Variants in LAMB4 observed in about 807,000 individuals in gnomAD.
LAMB4 encodes laminin subunit beta-4.
A neutral mutation model predicts 199.2 loss-of-function variants in LAMB4; 196 were observed. That is an observed-to-expected ratio of 0.98 (90% confidence interval 0.88 to 1.11). The LOEUF (loss-of-function observed/expected upper bound fraction) is 1.11. Ranked by LOEUF, LAMB4 falls within the 50% of genes least tolerant of loss-of-function variation. LAMB4 has a pLI of 0.00. For missense variants in LAMB4, 2,080 were observed against 2,171.2 expected, an observed-to-expected ratio of 0.96 and a Z score of 0.83; for synonymous variants, 744 against 770.6, an observed-to-expected ratio of 0.97 and a Z score of 0.57.
At chr7:108,129,567 T>G (rs560302741) in intron 1 of LAMB4, among the ~76,000 whole-genome samples, 1 of 151,838 alleles carries the variant, frequency 6.6e-6, no homozygotes, top group East Asian at 1.9e-4. Context: ...AGACAGAGTC[T>G]TCCTCTGTCA....
chr7:108,056,417 C>T (rs1431066542), intron 24 of LAMB4, among the ~76,000 whole-genome samples: 1 of 152,168 alleles, frequency 6.6e-6, no homozygotes, highest in Non-Finnish European at 1.5e-5. Flanking sequence ...GAGTAAAGCC[C>T]AGCTTGGGTG....
At chr7:108,088,050 C>T (rs991861487) in intron 14 of LAMB4, among the ~76,000 whole-genome samples, 14 of 152,212 alleles carry the variant, frequency 9.2e-5, no homozygotes, top group African/African-American at 3.4e-4. Flanking sequence ...TGCTCATCAG[C>T]ATGTAAGCTT....
chr7:108,127,175 GTTT>G (rs1333482138), intron 1 of LAMB4, among the ~76,000 whole-genome samples: 1 of 138,188 alleles, frequency 7.2e-6, no homozygotes, highest in African/African-American at 2.7e-5. Context: ...AATCACCAGG[GTTT>G]TTTTTTTTGT....
chr7:108,074,892 G>T (rs560532476), intron 17 of LAMB4, among the ~76,000 whole-genome samples: 1 of 152,094 alleles, frequency 6.6e-6, no homozygotes, highest in Admixed American at 6.6e-5. Flanking sequence ...TTAGTACAGC[G>T]TCAAGTGATA....
At chr7:108,116,285 T>C in intron 2 of LAMB4, 124 bp from the exon 3 acceptor site, 1 of 951,814 alleles carries the variant, frequency 1.1e-6, no homozygotes, top group Non-Finnish European at 1.5e-6. Context: ...TGTATCAGAC[T>C]TTTAAGTTTA....
At chr7:108,120,993 G>C (rs1181506371) in intron 2 of LAMB4, among the ~76,000 whole-genome samples, 2 of 152,154 alleles carry the variant, frequency 1.3e-5, no homozygotes, top group African/African-American at 4.8e-5. Context: ...GGCAAAAAGT[G>C]ACTAGAAATG....
intron 25 of LAMB4, 82 bp downstream of exon 25, chr7:108,055,550 T>A: frequency 7.2e-7 from 1 of 1,386,694 alleles, no homozygotes; most frequent in Middle Eastern, 2.6e-4. Context: ...ATTTCTAAAT[T>A]GAAGGCTGAC....
At chr7:108,098,372 A>ACGCC (rs761047628) in intron 11 of LAMB4, 31 bp downstream of exon 11, 926 of 1,541,036 alleles carry the variant, frequency 6.0e-4, no homozygotes, top group Non-Finnish European at 7.6e-4. Flanking sequence ...GGGTTGATGG[A>ACGCC]CACTCCCCCG....
At chr7:108,068,964 G>A (rs1050018035) in intron 18 of LAMB4, among the ~76,000 whole-genome samples, 1 of 152,192 alleles carries the variant, frequency 6.6e-6, no homozygotes, top group Non-Finnish European at 1.5e-5. Flanking sequence ...GGGATTACAG[G>A]TGTGACCCAC....
chr7:108,040,751 A>T (rs140912953), intron 29 of LAMB4, among the ~76,000 whole-genome samples: 5 of 152,342 alleles, frequency 3.3e-5, no homozygotes, highest in African/African-American at 1.2e-4. Flanking sequence ...TCTTATATGA[A>T]AATTAACTCA....
chr7:108,101,497 A>G (rs1315481234), intron 10 of LAMB4, among the ~76,000 whole-genome samples: 1 of 152,198 alleles, frequency 6.6e-6, no homozygotes, highest in African/African-American at 2.4e-5. Context: ...GTTGCTTGCT[A>G]TGCCATGAGT....
rs201245665 is a variant in LAMB4 at position 108,098,383 on chromosome 7, A to T, written c.1360+20T>A. ...ATAGGGGTTGATGGACACTCCCCCGACCCCCGATTATGGACTTACGCTGGC... is the reference window on the plus strand; with the variant it reads ...ATAGGGGTTGATGGACACTCCCCCGTCCCCCGATTATGGACTTACGCTGGC... On this transcript the variant is annotated intron_variant, in intron 11 of 33. Transcript: ENST00000388781. The T allele has an allele frequency of 1.3e-5, 19 of 1,448,516 alleles. No homozygotes were observed. Among genetic ancestry groups the T allele is most frequent in the Non-Finnish European group, 1.8e-5 (19 of 1,082,982 alleles). 89.7% of individuals were successfully genotyped at this position (1,448,516 alleles called of 1,614,324 possible).
rs773658435 is a variant in LAMB4, at chr7:108,055,859, G to C, written c.3528C>G (p.His1176Gln). The C allele has an allele frequency of 6.2e-7, 1 of 1,614,154 alleles. No homozygotes were observed. Among genetic ancestry groups the C allele is most frequent in the East Asian group, 2.2e-5 (1 of 44,880 alleles). The change falls in exon 25 of 34, where the codon CAC (histidine) becomes CAG (glutamine). Residue 1176 changes from histidine to glutamine, a missense_variant. By Grantham distance (24) the His-to-Gln change is conservative. Coordinates refer to ENST00000388781, the MANE Select transcript of LAMB4 (RefSeq NM_007356.3). ...TGTGGTCCCACTGATCAAAGCACAA[G>C]TGACATTGAAGACAAGTAGGGAATT... ...SQEFPTCLQC[H>Q]LCFDQWDHTI...
intron 2 of LAMB4, among the ~76,000 whole-genome samples, chr7:108,119,198 A>G (rs73725345): frequency 0.011 from 1,699 of 152,280 alleles, 32 homozygotes; most frequent in African/African-American, 0.038. Flanking sequence ...GAAGAATGGT[A>G]TAGGCACTCC....
At chr7:108,047,661 T>C (rs2150519055) in intron 28 of LAMB4, among the ~76,000 whole-genome samples, 1 of 152,284 alleles carries the variant, frequency 6.6e-6, no homozygotes, top group East Asian at 1.9e-4. Context: ...TTGGTGCCCC[T>C]AACCCCTATG....
chr7:108,089,724 G>A lies in LAMB4; in HGVS notation c.1701+1902C>T, dbSNP rs545317078. 1.1e-4 allele frequency among the ~76,000 whole-genome samples: 16 copies of A among 152,268 alleles called. No individual in the cohort carries two copies. In the South Asian group the frequency reaches 3.1e-3, roughly 30 times the overall value. ...GTTACCTAGGCTAGAGTACAGTGGT[G>A]CGACCACAGCTCACTGCAGCCTCAA... On this transcript the variant is annotated intron_variant, in intron 14 of 33. Coordinates refer to ENST00000388781, the MANE Select transcript of LAMB4 (RefSeq NM_007356.3).
chr7:108,125,566 C>A (rs1199775772), intron 1 of LAMB4, among the ~76,000 whole-genome samples: 2 of 152,200 alleles, frequency 1.3e-5, no homozygotes, highest in African/African-American at 4.8e-5. Context: ...TAAAGTGCTA[C>A]ATAGGATATA....
rs1326243455 is a variant in LAMB4 at position 108,066,497 on chromosome 7, G to T, written c.2550C>A (p.Cys850Ter). 7 of 1,614,008 alleles carry T rather than the reference G, an allele frequency of 4.3e-6. No individual in the cohort carries two copies. Among genetic ancestry groups the T allele is most frequent in the Non-Finnish European group, 5.9e-6 (7 of 1,180,006 alleles). Residue 850 changes from cysteine to a stop codon, truncating the protein, a stop_gained, in exon 20 of 34, where the codon TGC becomes TGA. Coordinates refer to ENST00000388781, the MANE Select transcript of LAMB4 (RefSeq NM_007356.3). LOFTEE classifies it high-confidence loss of function. ...TGGGAAATCCAAAGTAGCCTGCCAG[G>T]CAGCGATCACAGCGGCGGCCAGACA... Reference protein sequence around the residue: ...GEVSGRRCDRCLAGYFGFPSC... With the variant: ...GEVSGRRCDR
At position 108,103,047 on chromosome 7, in the gene LAMB4, T is replaced by A. The variant is rs1041158840; in HGVS notation, c.1177A>T (p.Ile393Phe). ...CCAGGCAGACCCGGGGACTCACGAA[T>A]GCACGCGTAGGGATCTGAGATGGTC... is the stretch of plus-strand genomic sequence containing the variant. ...LKTISDPYACIPCECDPDGTI... is the reference protein window; with the variant it reads ...LKTISDPYACFPCECDPDGTI... The change falls in exon 10 of 34, where the codon ATT (isoleucine) becomes TTT (phenylalanine). Residue 393 changes from isoleucine to phenylalanine, a missense_variant. Ile to Phe is a conservative substitution (Grantham distance 21). Coordinates refer to ENST00000388781, the MANE Select transcript of LAMB4 (RefSeq NM_007356.3). 4.4e-6 allele frequency: 7 copies of A among 1,577,120 alleles called. No individual in the cohort carries two copies. The highest frequency in any genetic ancestry group is 6.1e-6 in the Non-Finnish European group (7 of 1,153,084).
Sources: gnomAD v4.1 joint callset for allele counts (sites outside exome capture counted in the v4.1 genomes callset) on GRCh38, gnomAD v4.1.1 for gene constraint, MANE v1.5 for transcripts, NCBI Gene and HGNC (gene_info 2026-07-23, HGNC 2026-07-21) for gene names.